PPM1F: variants seen among roughly 807,000 people sequenced by gnomAD.
The protein encoded by PPM1F is protein phosphatase, Mg2+/Mn2+ dependent 1F.
PPM1F carries 17 observed loss-of-function variants against 35.5 expected under a neutral mutation model. The ratio of observed to expected loss-of-function variants is 0.48; its 90% CI spans 0.33 to 0.72. The LOEUF (loss-of-function observed/expected upper bound fraction) is 0.72, where lower values mean the gene tolerates loss of function less well. Ranked by LOEUF, PPM1F falls within the 30% of genes least tolerant of loss-of-function variation. The pLI is 0.02. For missense variants in PPM1F, 521 were observed against 613.0 expected, an observed-to-expected ratio of 0.85 and a Z score of 1.59; for synonymous variants, 241 against 255.5, an observed-to-expected ratio of 0.94 and a Z score of 0.54.
chr22:21,936,182 C>G (rs1418224459), intron 3 of PPM1F: 1 of 151,824 alleles, frequency 6.6e-6, no homozygotes, highest in Non-Finnish European at 1.5e-5. Flanking sequence ...AAACAGAAAA[C>G]TAAAAAATGG....
Position 21,925,579 on chromosome 22 carries a change from G to A in PPM1F, c.975C>T (p.Ser325=). ...CWRVNGTLAV[S]RAIGDVFQKP... is the part of the protein sequence containing the mutation. ...CTCTTTGGCTCTCACCGATGGCTCTGGAGACGGCCAGGGTCCCGTTGACTC... is the reference window on the plus strand; with the variant it reads ...CTCTTTGGCTCTCACCGATGGCTCTAGAGACGGCCAGGGTCCCGTTGACTC... The change falls in exon 7 of 8, where the codon TCC becomes TCT. Residue 325 remains serine, a synonymous_variant. Coordinates refer to ENST00000263212, the MANE Select transcript of PPM1F (RefSeq NM_014634.4). 1.9e-6 allele frequency: 3 copies of A among 1,613,816 alleles called. No homozygotes were observed. The highest frequency in any genetic ancestry group is 2.5e-6 in the Non-Finnish European group (3 of 1,179,818).
chr22:21,948,527 T>G (rs2070802387), intron 1 of PPM1F: 1 of 152,202 alleles, frequency 6.6e-6, no homozygotes, highest in African/African-American at 2.4e-5. Flanking sequence ...GAAGATGGCG[T>G]GAATTTCCCA....
intron 3 of PPM1F, chr22:21,937,639 C>T (rs901041017): frequency 1.3e-5 from 2 of 154,988 alleles, no homozygotes; most frequent in Non-Finnish European, 2.9e-5. Flanking sequence ...CTCCTCCTCA[C>T]TCCCTCTGGA....
intron 3 of PPM1F, chr22:21,938,139 C>A: frequency 7.7e-7 from 1 of 1,302,428 alleles, no homozygotes; most frequent in Admixed American, 2.3e-5. Flanking sequence ...TCCCTCCTTC[C>A]CAGGCCTGCA....
chr22:21,938,320 C>A, intron 3 of PPM1F: 1 of 1,213,270 alleles, frequency 8.2e-7, no homozygotes, highest in Non-Finnish European at 1.1e-6. Context: ...CAGCTGCCAC[C>A]GGCCGGAAGC....
intron 3 of PPM1F, chr22:21,938,079 C>CT (rs2070680351): frequency 7.8e-7 from 1 of 1,281,940 alleles, no homozygotes; most frequent in African/African-American, 1.5e-5. Flanking sequence ...GCGAGGCACT[C>CT]TGACAGACGG....
rs769270846 is a variant in PPM1F at position 21,939,562 on chromosome 22, C to T, written c.325G>A (p.Asp109Asn). 1.1e-5 allele frequency: 18 copies of T among 1,581,954 alleles called. No homozygotes were observed. In the African/African-American group the frequency reaches 1.5e-4, roughly 13 times the overall value. ...ACAGGGGCCTTTTCCTCCTCGTCAT[C>T]GTCCTCCTCCTCTTCTTCTTCCTCC... Reference protein sequence around the residue: ...PREEEEEEEDDDEEEKAPVTL... With the variant: ...PREEEEEEEDNDEEEKAPVTL... Residue 109 changes from aspartate (D) to asparagine (N), a missense_variant, in exon 3 of 8, where the codon GAT becomes AAT. Asp to Asn is a conservative substitution (Grantham distance 23). Around this residue, in one of 3 missense-constraint regions of PPM1F, gnomAD observed 311 missense variants for 351.5 expected, o/e 0.88. Transcript: ENST00000263212. This position sits in a 1 kb window ranked among gnomAD's most constrained non-coding sequence, Gnocchi z 5.1.
chr22:21,942,939 G>A, intron 2 of PPM1F: 1 of 152,318 alleles, frequency 6.6e-6, no homozygotes, highest in Non-Finnish European at 1.5e-5. Flanking sequence ...CTTGGGGCAG[G>A]GGCTGTTACA....
rs1169339302 is a variant in PPM1F at position 21,925,838 on chromosome 22, G to A, written c.892-176C>T. 25 of 508,960 alleles carry A rather than the reference G, an allele frequency of 4.9e-5. No homozygotes were observed. The East Asian group carries it at 7.6e-4, about 15-fold the overall frequency. The allele number at this position is 508,960 out of a possible 1,614,324, so 31.5% of individuals were successfully genotyped here. A position where few individuals can be genotyped will look rare whatever the true frequency, so the allele number is the denominator to read the frequency against. On this transcript the variant is annotated intron_variant, in intron 6 of 7. Transcript: ENST00000263212. ...CCAAACGAGGCTCATCAAAAACAGT[G>A]AGAAATTATACACAACCCACAAGTC...
intron 6 of PPM1F, among the ~76,000 whole-genome samples, chr22:21,929,534 A>G (rs948454850): frequency 6.6e-6 from 1 of 152,164 alleles, no homozygotes; most frequent in African/African-American, 2.4e-5. Context: ...CTGGGCTTTA[A>G]TGGGGTGCTG....
In PPM1F at chr22:21,923,294, C is replaced by A; in HGVS notation, c.1163G>T (p.Arg388Leu). 6.2e-7 allele frequency: 1 copy of A among 1,613,456 alleles called. No individual in the cohort carries two copies. Among genetic ancestry groups the A allele is most frequent in the Non-Finnish European group, 8.5e-7 (1 of 1,179,924 alleles). The change falls in exon 8 of 8, where the codon CGT becomes CTT. Residue 388 changes from arginine (R) to leucine (L), a missense_variant. Coordinates refer to ENST00000263212, the MANE Select transcript of PPM1F (RefSeq NM_014634.4). ...HLTRQQGSGL[R>L]VAEELVAAAR... ...CGCAGCCACCAGCTCCTCGGCGACACGGAGCCCGCTGCCCTGCTGCCTGGT... is the reference window on the plus strand; with the variant it reads ...CGCAGCCACCAGCTCCTCGGCGACAAGGAGCCCGCTGCCCTGCTGCCTGGT...
At chr22:21,951,975 C>A (rs747280094) in intron 1 of PPM1F, 1 of 152,234 alleles carries the variant, frequency 6.6e-6, no homozygotes, top group Non-Finnish European at 1.5e-5. Flanking sequence ...ACTTTCTATC[C>A]CCCGTGGTGA....
intron 7 of PPM1F, 37 bp from the exon 8 acceptor site, chr22:21,923,508 C>T (rs754459831): frequency 3.5e-5 from 55 of 1,558,768 alleles, no homozygotes; most frequent in South Asian, 2.5e-4. Context: ...CAGAGGACCA[C>T]GGTGTCCACA....
At chr22:21,929,843 C>T (rs538217780) in intron 6 of PPM1F, among the ~76,000 whole-genome samples, 4 of 152,118 alleles carry the variant, frequency 2.6e-5, no homozygotes, top group Non-Finnish European at 5.9e-5. Context: ...GTAGCTGCCC[C>T]TGACTGTTAC....
Position 21,934,147 on chromosome 22 carries a change from T to C in PPM1F, c.435A>G (p.Pro145=). The change falls in exon 4 of 8, where the codon CCA becomes CCG. Residue 145 remains proline (P), a synonymous_variant. Transcript: ENST00000263212. Reference sequence around the variant, plus strand: ...GCCGCTGTGAGGCCCGGGCAGCCAATGGCACCTGCTTCTGCCACTGGCCGG... The same window carrying C: ...GCCGCTGTGAGGCCCGGGCAGCCAACGGCACCTGCTTCTGCCACTGGCCGG... ...EVAGQWQKQV[P]LAARASQRQW... The C allele has an allele frequency of 6.3e-7, 1 of 1,576,596 alleles. No homozygotes were observed. The highest frequency in any genetic ancestry group is 8.6e-7 in the Non-Finnish European group (1 of 1,161,202).
chr22:21,929,918 T>C (rs567303719), intron 6 of PPM1F, among the ~76,000 whole-genome samples: 1 of 151,970 alleles, frequency 6.6e-6, no homozygotes, highest in African/African-American at 2.4e-5. Context: ...ACTACTCAAC[T>C]ACAGAAAAAC....
chr22:21,947,466 A>G (rs1474293251), intron 1 of PPM1F: 1 of 152,236 alleles, frequency 6.6e-6, no homozygotes, highest in Non-Finnish European at 1.5e-5. Context: ...GATTGGATCC[A>G]GAAAAAAATA....
intron 1 of PPM1F, chr22:21,951,360 T>TC (rs2070836021): frequency 6.7e-6 from 1 of 148,692 alleles, no homozygotes; most frequent in African/African-American, 2.5e-5. Flanking sequence ...TTTTTTTTTT[T>TC]TTTTTTTTTT....
At chr22:21,935,389 G>C (rs983271802) in intron 3 of PPM1F, 2 of 152,220 alleles carry the variant, frequency 1.3e-5, no homozygotes, top group African/African-American at 4.8e-5. Context: ...AGGGTGACAG[G>C]AGGGATCCTG....
Sources: gnomAD v4.1 joint callset for allele counts (sites outside exome capture counted in the v4.1 genomes callset) on GRCh38, gnomAD v4.1.1 for gene constraint, gnomAD v4.1.1 regional missense constraint, Gnocchi (gnomAD v3.1) non-coding constraint, MANE v1.5 for transcripts, NCBI Gene and HGNC (gene_info 2026-07-23, HGNC 2026-07-21) for gene names.